Variants in C1QTNF6 observed in about 807,000 individuals in gnomAD.
C1QTNF6 encodes the protein complement C1q tumor necrosis factor-related protein 6.
In C1QTNF6, 17 loss-of-function variants were observed where a neutral mutation model predicts 20.7. The observed-to-expected ratio is 0.82, with a 90% CI of 0.56 to 1.23. C1QTNF6 has a LOEUF of 1.23. Ranked by LOEUF, C1QTNF6 falls within the 50% of genes most tolerant of loss-of-function variation. The pLI, the probability that C1QTNF6 is intolerant of heterozygous loss-of-function variation, is 0.00. For missense variants in C1QTNF6, 329 were observed against 389.7 expected (o/e 0.84, Z 1.31); for synonymous variants, 130 against 156.3 (o/e 0.83, Z 1.25).
At chr22:37,196,588 G>C (rs1389565846) in intron 1 of C1QTNF6, 2 of 152,276 alleles carry the variant, frequency 1.3e-5, no homozygotes, top group Admixed American at 6.5e-5. Flanking sequence ...GGCAGCTGAA[G>C]TGACTTGCCC....
chr22:37,183,049 G>A (rs561452970), intron 2 of C1QTNF6: 14 of 587,726 alleles, frequency 2.4e-5, no homozygotes, highest in South Asian at 1.5e-4. Flanking sequence ...GGGAGGGTCC[G>A]ACTGGTGTCT....
upstream of C1QTNF6, chr22:37,190,988 TCA>T (rs1179558258): frequency 2.6e-5 from 4 of 152,220 alleles, no homozygotes; most frequent in Admixed American, 2.6e-4. Flanking sequence ...AAAGATTATT[TCA>T]GTCTTTTATT....
intron 2 of C1QTNF6, chr22:37,182,983 G>A (rs757045627): frequency 1.9e-5 from 25 of 1,345,640 alleles, no homozygotes; most frequent in Non-Finnish European, 1.9e-5. Flanking sequence ...AGCAGAAGAG[G>A]CAGGACTTAA....
upstream of C1QTNF6, chr22:37,198,441 T>C (rs576052598): frequency 9.2e-5 from 14 of 152,140 alleles, no homozygotes; most frequent in African/African-American, 3.1e-4. Flanking sequence ...GGTGTGAAAA[T>C]AGGCACATTC....
rs1216425421 is a variant in C1QTNF6 at position 37,185,475 on chromosome 22, A to G, written c.52-20T>C. Reference sequence around the variant, plus strand: ...GGTGACCTGGAACAAGGAAGGAGGGACAGGAACTATACTTCACTCAACATC... The same window carrying G: ...GGTGACCTGGAACAAGGAAGGAGGGGCAGGAACTATACTTCACTCAACATC... On this transcript the variant is annotated intron_variant, in intron 1 of 2. Transcript: ENST00000337843. 2 of 1,581,634 alleles carry G rather than the reference A, an allele frequency of 1.3e-6. No individual in the cohort carries two copies. Among genetic ancestry groups the G allele is most frequent in the Admixed American group, 3.5e-5 (2 of 57,486 alleles).
In C1QTNF6 at chr22:37,185,383, G is replaced by A; in HGVS notation, c.124C>T (p.Pro42Ser). 6.2e-7 allele frequency: 1 copy of A among 1,613,512 alleles called. No homozygotes were observed. Residue 42 changes from proline (P) to serine (S), a missense_variant, in exon 2 of 3, where the codon CCT becomes TCT. Coordinates refer to ENST00000337843, the MANE Select transcript of C1QTNF6 (RefSeq NM_031910.4). ...LLLFLLMCEI[P>S]MVELTFDRAV... Reference sequence around the variant, plus strand: ...CTGTCAAAGGTGAGCTCCACCATAGGGATCTCACACATCAGGAGAAAGAGC... The same window carrying A: ...CTGTCAAAGGTGAGCTCCACCATAGAGATCTCACACATCAGGAGAAAGAGC...
intron 1 of C1QTNF6, chr22:37,195,706 A>G (rs2145784756): frequency 6.6e-6 from 1 of 152,352 alleles, no homozygotes; most frequent in Non-Finnish European, 1.5e-5. Flanking sequence ...GTTTTCCAAG[A>G]AAGGGGAGAT....
chr22:37,188,162 C>A lies in C1QTNF6; in HGVS notation c.51+1G>T, dbSNP rs1363244121. 6.2e-7 allele frequency: 1 copy of A among 1,610,030 alleles called. No individual in the cohort carries two copies. Among genetic ancestry groups the A allele is most frequent in the South Asian group, 1.1e-5 (1 of 90,422 alleles). Reference sequence around the variant, plus strand: ...AGCTTGAGGAGCCTCTGGTCACTCACCCTGTGTCCTGTGGCCTCCCCAGGC... The same window carrying A: ...AGCTTGAGGAGCCTCTGGTCACTCAACCTGTGTCCTGTGGCCTCCCCAGGC... On this transcript the variant is annotated splice_donor_variant, in intron 1 of 2. Coordinates refer to ENST00000337843, the MANE Select transcript of C1QTNF6 (RefSeq NM_031910.4). LOFTEE classifies it high-confidence loss of function.
chr22:37,188,992 C>T (rs557196747), upstream of C1QTNF6, among the ~76,000 whole-genome samples: 4 of 152,180 alleles, frequency 2.6e-5, no homozygotes, highest in Admixed American at 2.6e-4. Context: ...CAGAGCACCC[C>T]CAAGCACTGC....
At chr22:37,192,917 G>C (rs1003028529), upstream of C1QTNF6, among the ~76,000 whole-genome samples, 1 of 152,170 alleles carries the variant, frequency 6.6e-6, no homozygotes, top group African/African-American at 2.4e-5. Context: ...AGTTTCTAAG[G>C]CCTAATAAGC....
At position 37,182,016 on chromosome 22, in the gene C1QTNF6, A is replaced by C. The variant is rs370235750; in HGVS notation, c.*172T>G. The C allele has an allele frequency of 1.5e-6, 1 of 680,710 alleles. No homozygotes were observed. 42.2% of individuals were successfully genotyped at this position (680,710 alleles called of 1,614,324 possible). On this transcript the variant is annotated 3_prime_UTR_variant, in exon 3 of 3. Transcript: ENST00000337843. Reference sequence around the variant, plus strand: ...TAGGTCCAAGAGAGAAGAGAGGAGCAGAAATAGGCTGGGAGGGATGATGGC... The same window carrying C: ...TAGGTCCAAGAGAGAAGAGAGGAGCCGAAATAGGCTGGGAGGGATGATGGC...
chr22:37,187,263 T>C (rs1363223613), intron 1 of C1QTNF6, among the ~76,000 whole-genome samples: 1 of 142,030 alleles, frequency 7.0e-6, no homozygotes, highest in African/African-American at 2.6e-5. Flanking sequence ...TCCTCAGAGA[T>C]CAACATCCTC....
In C1QTNF6 at chr22:37,182,618, C is replaced by T; in HGVS notation, c.407G>A (p.Gly136Asp). ...KGDKGEMGSP[G>D]APCQKRFFAF... Reference sequence around the variant, plus strand: ...GAAGAAGCGCTTCTGGCACGGGGCGCCGGGGCTGCCCATCTCCCCCTTGTC... The same window carrying T: ...GAAGAAGCGCTTCTGGCACGGGGCGTCGGGGCTGCCCATCTCCCCCTTGTC... The change falls in exon 3 of 3, where the codon GGC becomes GAC. Residue 136 changes from glycine (G) to aspartate (D), a missense_variant. By Grantham distance (94) the Gly-to-Asp change is moderately conservative. Coordinates refer to ENST00000337843, the MANE Select transcript of C1QTNF6 (RefSeq NM_031910.4). 1 of 1,613,682 alleles carries T rather than the reference C, an allele frequency of 6.2e-7. No individual in the cohort carries two copies. The highest frequency in any genetic ancestry group is 8.5e-7 in the Non-Finnish European group (1 of 1,180,028).
rs564416765 is a variant in C1QTNF6 at position 37,185,383 on chromosome 22, G to C, written c.124C>G (p.Pro42Ala). The stretch of plus-strand genomic sequence containing the variant: ...CTGTCAAAGGTGAGCTCCACCATAG[G>C]GATCTCACACATCAGGAGAAAGAGC... ...LLLFLLMCEI[P>A]MVELTFDRAV... Residue 42 changes from proline (P) to alanine (A), a missense_variant, in exon 2 of 3, where the codon CCT (proline) becomes GCT (alanine). Physicochemically the swap from Pro to Ala is conservative, Grantham distance 27 (BLOSUM62 -1). Transcript: ENST00000337843. 15 of 1,613,512 alleles carry C rather than the reference G, an allele frequency of 9.3e-6. No individual in the cohort carries two copies. The highest frequency in any genetic ancestry group is 1.3e-5 in the Non-Finnish European group (15 of 1,179,818).
Position 37,182,664 on chromosome 22 carries a change from C to G in C1QTNF6, c.361G>C (p.Gly121Arg), listed in dbSNP as rs1445609261. 2 of 1,613,034 alleles carry G rather than the reference C, an allele frequency of 1.2e-6. No homozygotes were observed. The highest frequency in any genetic ancestry group is 1.7e-5 in the Admixed American group (1 of 59,998). ...TTGTCACCCTTGCTGCCCTGAGGGC[C>G]AGGCTCCCCTTGGGGACCCTCCCTG... ...MGREGPQGEP[G>R]PQGSKGDKGE... is the part of the protein sequence containing the mutation. Residue 121 changes from glycine to arginine, a missense_variant, in exon 3 of 3, where the codon GGC (glycine) becomes CGC (arginine). By Grantham distance (125) the Gly-to-Arg change is moderately radical (BLOSUM62 -2). Coordinates refer to ENST00000337843, the MANE Select transcript of C1QTNF6 (RefSeq NM_031910.4).
chr22:37,184,263 T>C lies in C1QTNF6; in HGVS notation c.289+955A>G. The C allele has an allele frequency of 1.5e-6, 1 of 688,864 alleles. No individual in the cohort carries two copies. 42.7% of individuals were successfully genotyped at this position (688,864 alleles called of 1,614,324 possible). On this transcript the variant is annotated intron_variant, in intron 2 of 2. Coordinates refer to ENST00000337843, the MANE Select transcript of C1QTNF6 (RefSeq NM_031910.4). The surrounding 1 kb of genome is among the most constrained non-coding windows in gnomAD (Gnocchi z 4.0). ...AGCTCAGGAACAAATCCTGGCTCCATCCCTGACAGCTGTGTGGCCCCAGGA... is the reference window on the plus strand; with the variant it reads ...AGCTCAGGAACAAATCCTGGCTCCACCCCTGACAGCTGTGTGGCCCCAGGA...
At position 37,183,458 on chromosome 22, in the gene C1QTNF6, C is replaced by T. The variant is rs229523; in HGVS notation, c.290-723G>A. On this transcript the variant is annotated intron_variant, in intron 2 of 2. Transcript: ENST00000337843. Reference sequence around the variant, plus strand: ...TGAGGTCTGGCAGCATCTACAATGGCCCCCAGGCAGGCACAGCCCTGCCCG... The same window carrying T: ...TGAGGTCTGGCAGCATCTACAATGGTCCCCAGGCAGGCACAGCCCTGCCCG... Among the ~76,000 whole-genome samples the T allele has an allele frequency of 2.4e-3, 366 of 152,340 alleles. 2 individuals are homozygous for T. Among genetic ancestry groups the T allele is most frequent in the African/African-American group, 8.3e-3 (343 of 41,568 alleles).
upstream of C1QTNF6, among the ~76,000 whole-genome samples, chr22:37,192,434 G>T (rs118115905): frequency 4.0e-5 from 6 of 151,146 alleles, no homozygotes; most frequent in East Asian, 1.2e-3. Flanking sequence ...ATAGCTGGGG[G>T]CATGGCTAAC....
At chr22:37,190,695 AAAG>A (rs1924762910), upstream of C1QTNF6, 1 of 143,816 alleles carries the variant, frequency 7.0e-6, no homozygotes, top group African/African-American at 2.6e-5. Flanking sequence ...AAAAAAAAAA[AAAG>A]AAGAAAGAAG....
Sources: allele counts gnomAD v4.1 joint callset (sites outside exome capture counted in the v4.1 genomes callset), GRCh38; gene constraint gnomAD v4.1.1; non-coding constraint Gnocchi (gnomAD v3.1); transcripts MANE v1.5; gene names NCBI Gene and HGNC (gene_info 2026-07-23, HGNC 2026-07-21).